RBFOX1: variants seen among roughly 807,000 people sequenced by gnomAD.
RBFOX1 encodes the protein RNA binding fox-1 homolog 1.
RBFOX1 carries 8 observed loss-of-function variants against 57.7 expected under a neutral mutation model. That is an observed-to-expected ratio of 0.14 (90% CI 0.08 to 0.25). The LOEUF is 0.25. Ranked by LOEUF, RBFOX1 falls within the 10% of genes least tolerant of loss-of-function variation. The probability of loss-of-function intolerance (pLI) is 1.00; values close to 1 mark genes in which losing one functional copy is unlikely to be tolerated. For synonymous variants in RBFOX1, 326 were observed against 222.4 expected, an observed-to-expected ratio of 1.47 and a Z score of -4.15; for missense variants, 611 against 548.5, an observed-to-expected ratio of 1.11 and a Z score of -1.14.
intron 1 of RBFOX1, among the ~76,000 whole-genome samples, chr16:5,268,486 T>C (rs2062918096): frequency 6.6e-6 from 1 of 152,168 alleles, no homozygotes; most frequent in African/African-American, 2.4e-5. Context: ...TACGTGCAAA[T>C]CCCCTCATCA....
At chr16:7,207,482 A>G (rs2090230147) in intron 4 of RBFOX1, among the ~76,000 whole-genome samples, 1 of 152,192 alleles carries the variant, frequency 6.6e-6, no homozygotes. Context: ...CAACCCCCGG[A>G]CTGGCCCCTA....
At position 6,340,292 on chromosome 16, in the gene RBFOX1, C is replaced by G. The variant is rs376851477; in HGVS notation, c.-64+23235C>G. 1.3e-3 allele frequency among the ~76,000 whole-genome samples: 195 copies of G among 152,188 alleles called. 1 individual carries two copies. Among genetic ancestry groups the G allele is most frequent in the African/African-American group, 4.3e-3 (178 of 41,522 alleles). ...TTGGGGGAGAGTTAGGCCTAGCTCA[C>G]TCATGACCTAAATTAGTTACTGGTG... On this transcript the variant is annotated intron_variant, in intron 2 of 15. Coordinates refer to ENST00000550418, the MANE Select transcript of RBFOX1 (RefSeq NM_018723.4).
chr16:5,669,821 G>A (rs150054232), intron 3 of RBFOX1, among the ~76,000 whole-genome samples: 15 of 152,286 alleles, frequency 9.8e-5, no homozygotes, highest in African/African-American at 3.6e-4. Context: ...TTAAACAATT[G>A]CCATAGGGCC....
rs542399985 is a variant in RBFOX1 at position 6,359,656 on chromosome 16, A to T, written c.-64+42599A>T. ...ACATGTCCTGCAATGCTTTATTCCTATTGCTGGATGTTTCTGCAAGTAAGT... is the reference window on the plus strand; with the variant it reads ...ACATGTCCTGCAATGCTTTATTCCTTTTGCTGGATGTTTCTGCAAGTAAGT... On this transcript the variant is annotated intron_variant, in intron 2 of 15. Transcript: ENST00000550418. 3.9e-5 allele frequency among the ~76,000 whole-genome samples: 6 copies of T among 152,314 alleles called. No individual in the cohort carries two copies. In the South Asian group the frequency reaches 1.2e-3, roughly 32 times the overall value.
chr16:7,034,848 C>CTTTTTTTTT lies in RBFOX1; in HGVS notation c.-15-17199_-15-17191dup, dbSNP rs58405378. ...ATTACTTTTTTTTTTTTTCTTTTTTCTTTTTTTTTTTTTTTTTTGAGATGG... is the reference window on the plus strand; with the variant it reads ...ATTACTTTTTTTTTTTTTCTTTTTTCTTTTTTTTTTTTTTTTTTTTTTTTTTTGAGATGG... On this transcript the variant is annotated intron_variant, in intron 3 of 15. Transcript: ENST00000550418. Among the ~76,000 whole-genome samples, 9 of 30,836 alleles carry CTTTTTTTTT rather than the reference C, an allele frequency of 2.9e-4. 1 individual carries two copies. The highest frequency in any genetic ancestry group is 1.0e-3 in the African/African-American group (6 of 5,750). 20.2% of individuals were successfully genotyped at this position (30,836 alleles called of 152,430 possible). A position where few individuals can be genotyped will look rare whatever the true frequency, so the allele number is the denominator to read the frequency against.
chr16:6,564,097 C>T (rs2097221985), intron 2 of RBFOX1, among the ~76,000 whole-genome samples: 1 of 152,040 alleles, frequency 6.6e-6, no homozygotes, highest in Non-Finnish European at 1.5e-5. Flanking sequence ...TCTGGATGTT[C>T]TTGTAGCCTA....
intron 1 of RBFOX1, among the ~76,000 whole-genome samples, chr16:5,399,992 G>A (rs766113441): frequency 6.6e-6 from 1 of 152,012 alleles, no homozygotes; most frequent in Non-Finnish European, 1.5e-5. Context: ...CCATATGTTT[G>A]CCCTCCTTTC....
chr16:5,864,672 A>G (rs1423847882), intron 3 of RBFOX1, among the ~76,000 whole-genome samples: 1 of 151,966 alleles, frequency 6.6e-6, no homozygotes, highest in South Asian at 2.1e-4. Flanking sequence ...GCTGTATGAT[A>G]GTTTATAATA....
rs185697192 is a variant in RBFOX1, at chr16:6,955,626, G to A, written c.-15-96431G>A. Among the ~76,000 whole-genome samples, 28 of 147,154 alleles carry A rather than the reference G, an allele frequency of 1.9e-4. No individual in the cohort carries two copies. In the East Asian group the frequency reaches 5.2e-3, roughly 27 times the overall value. ...TATTGCCCATGTGACAGCAATATGA[G>A]AGAAAATTAATAGTATTTTTCATCT... is the stretch of plus-strand genomic sequence containing the variant. On this transcript the variant is annotated intron_variant, in intron 3 of 15. Coordinates refer to ENST00000550418, the MANE Select transcript of RBFOX1 (RefSeq NM_018723.4).
chr16:6,106,900 T>C (rs2152566586), intron 1 of RBFOX1, among the ~76,000 whole-genome samples: 1 of 152,226 alleles, frequency 6.6e-6, no homozygotes, highest in South Asian at 2.1e-4. Context: ...CTCAATCTCC[T>C]GACCTCGTGA....
chr16:6,802,211 C>G (rs374540874), intron 3 of RBFOX1, among the ~76,000 whole-genome samples: 28 of 152,212 alleles, frequency 1.8e-4, no homozygotes, highest in African/African-American at 6.7e-4. Context: ...TGGGCTCTGG[C>G]TGCCTCAGCT....
chr16:5,476,121 C>T (rs1481516616), intron 2 of RBFOX1, among the ~76,000 whole-genome samples: 2 of 152,170 alleles, frequency 1.3e-5, no homozygotes, highest in African/African-American at 2.4e-5. Context: ...TTGAGACCAG[C>T]ACCACTCACG....
At chr16:5,499,900 C>T (rs1266930932) in intron 2 of RBFOX1, among the ~76,000 whole-genome samples, 2 of 152,156 alleles carry the variant, frequency 1.3e-5, no homozygotes, top group Non-Finnish European at 2.9e-5. Flanking sequence ...ACTCCAAAAT[C>T]CACACTCCTG....
chr16:7,016,425 G>C (rs968366254), intron 3 of RBFOX1, among the ~76,000 whole-genome samples: 6 of 152,150 alleles, frequency 3.9e-5, no homozygotes, highest in Non-Finnish European at 8.8e-5. Context: ...TCTGCAGACT[G>C]GATTTAAATC....
intron 2 of RBFOX1, among the ~76,000 whole-genome samples, chr16:6,558,768 CCCCCA>C: frequency 6.7e-6 from 1 of 148,404 alleles, no homozygotes; most frequent in Non-Finnish European, 1.5e-5. Flanking sequence ...TAACATGCTT[CCCCCA>C]CCCCCACCCC....
intron 2 of RBFOX1, among the ~76,000 whole-genome samples, chr16:6,406,109 T>C (rs1180634117): frequency 6.6e-6 from 1 of 152,230 alleles, no homozygotes; most frequent in East Asian, 1.9e-4. Context: ...CTCTAAACTT[T>C]TCCACATGTA....
chr16:7,430,545 C>T (rs924279044), intron 4 of RBFOX1, among the ~76,000 whole-genome samples: 5 of 151,928 alleles, frequency 3.3e-5, no homozygotes, highest in Non-Finnish European at 7.4e-5. Flanking sequence ...GCCTGTAGTC[C>T]CAGCTACTCG....
At chr16:7,159,600 G>C (rs9926655) in intron 4 of RBFOX1, among the ~76,000 whole-genome samples, 1 of 151,916 alleles carries the variant, frequency 6.6e-6, no homozygotes, top group Admixed American at 6.6e-5. Flanking sequence ...TCTCTACTCC[G>C]CTATAGCTTC....
chr16:7,376,457 C>G (rs2097687622), intron 4 of RBFOX1, among the ~76,000 whole-genome samples: 1 of 152,144 alleles, frequency 6.6e-6, no homozygotes, highest in South Asian at 2.1e-4. Context: ...TGATTTTTGC[C>G]TGAGGTCAAA....
Sources: allele counts gnomAD v4.1 joint callset (sites outside exome capture counted in the v4.1 genomes callset), GRCh38; gene constraint gnomAD v4.1.1; transcripts MANE v1.5; gene names NCBI Gene and HGNC (gene_info 2026-07-23, HGNC 2026-07-21).